DOCK2: variants seen among roughly 807,000 people sequenced by gnomAD.
DOCK2 encodes the protein dedicator of cytokinesis 2, also known as dedicator of cytokinesis protein 2.
Under a neutral mutation model 248.9 loss-of-function variants are expected in DOCK2, and 87 were observed. The ratio of observed to expected loss-of-function variants is 0.35; its 90% CI spans 0.29 to 0.42. DOCK2 has a LOEUF of 0.42. Among genes scored for constraint, DOCK2 ranks in the 10% least tolerant of loss-of-function variants. DOCK2 has a pLI of 1.00. For missense variants in DOCK2, 1,747 were observed against 2,300.2 expected (o/e 0.76, Z 4.92); for synonymous variants, 805 against 821.6 (o/e 0.98, Z 0.35).
At chr5:169,739,595 A>C (rs1229137030) in intron 22 of DOCK2, among the ~76,000 whole-genome samples, 1 of 152,244 alleles carries the variant, frequency 6.6e-6, no homozygotes, top group Non-Finnish European at 1.5e-5. Flanking sequence ...TTATCAATTT[A>C]ATGTACAGAT....
chr5:169,750,221 A>G (rs1005316692), intron 23 of DOCK2, among the ~76,000 whole-genome samples: 10 of 152,240 alleles, frequency 6.6e-5, no homozygotes, highest in Non-Finnish European at 2.9e-5. Context: ...TACTCTTTCT[A>G]ATTTCAGCAC....
At chr5:170,020,525 T>G (rs1361056891) in intron 33 of DOCK2, among the ~76,000 whole-genome samples, 1 of 151,900 alleles carries the variant, frequency 6.6e-6, no homozygotes, top group African/African-American at 2.4e-5. Flanking sequence ...CTATTTTCTA[T>G]GTATTAGTTC....
intron 30 of DOCK2, among the ~76,000 whole-genome samples, chr5:170,005,751 A>T (rs1755011701): frequency 6.6e-6 from 1 of 152,082 alleles, no homozygotes; most frequent in African/African-American, 2.4e-5. Flanking sequence ...TTTTTTTTTA[A>T]AAAAAAGAAA....
In DOCK2 at chr5:169,889,378, T is replaced by C. The variant is rs370319632; in HGVS notation, c.2799+48526T>C. Among the ~76,000 whole-genome samples, 224 of 152,338 alleles carry C rather than the reference T, an allele frequency of 1.5e-3. 1 individual carries two copies. Among genetic ancestry groups the C allele is most frequent in the African/African-American group, 4.7e-3 (196 of 41,580 alleles). On this transcript the variant is annotated intron_variant, in intron 27 of 51. Coordinates refer to ENST00000520908, the MANE Select transcript of DOCK2 (RefSeq NM_004946.3). ...TTAGATTCTGTTGTGAGGTGGGCAC[T>C]GTAATAAATACTGTGGAGATTCCAA...
At chr5:170,002,169 T>C (rs2113803707) in intron 30 of DOCK2, among the ~76,000 whole-genome samples, 1 of 151,760 alleles carries the variant, frequency 6.6e-6, no homozygotes, top group East Asian at 1.9e-4. Flanking sequence ...GAATGTATAC[T>C]ACAAATGTAG....
At chr5:169,859,226 G>T (rs748994531) in intron 27 of DOCK2, among the ~76,000 whole-genome samples, 1 of 152,126 alleles carries the variant, frequency 6.6e-6, no homozygotes, top group African/African-American at 2.4e-5. Context: ...CTCTTTATGG[G>T]CTGAGAGTTC....
intron 5 of DOCK2, among the ~76,000 whole-genome samples, chr5:169,672,824 A>G (rs540164824): frequency 6.6e-6 from 1 of 152,328 alleles, no homozygotes; most frequent in South Asian, 2.1e-4. Context: ...AATTTGTTAG[A>G]ACAACTCAGA....
At chr5:169,872,890 G>A (rs992417757) in intron 27 of DOCK2, among the ~76,000 whole-genome samples, 2 of 152,206 alleles carry the variant, frequency 1.3e-5, no homozygotes, top group African/African-American at 4.8e-5. Context: ...CCACATTTTA[G>A]GATGGTTAGG....
chr5:169,908,429 C>T (rs1774409265), intron 27 of DOCK2, among the ~76,000 whole-genome samples: 1 of 152,114 alleles, frequency 6.6e-6, no homozygotes, highest in African/African-American at 2.4e-5. Flanking sequence ...TAAAACTAAT[C>T]CCCAAATCAT....
chr5:170,081,133 C>G (rs1276065869), intron 50 of DOCK2: 1 of 152,552 alleles, frequency 6.6e-6, no homozygotes, highest in Non-Finnish European at 1.5e-5. Context: ...GAGAACATCA[C>G]TCTCTTGCCT....
Position 169,937,045 on chromosome 5 carries a change from G to A in DOCK2, c.2800-46023G>A, listed in dbSNP as rs946479552. The stretch of plus-strand genomic sequence containing the variant: ...GGCTGGGTATTTGGTGAGGAGGGAG[G>A]GGCTGACCAGTTTCTGGGCAGAGTA... On this transcript the variant is annotated intron_variant, in intron 27 of 51. Transcript: ENST00000520908. Among the ~76,000 whole-genome samples, 21 of 152,136 alleles carry A rather than the reference G, an allele frequency of 1.4e-4. 1 individual carries two copies. The highest frequency in any genetic ancestry group is 4.1e-4 in the African/African-American group (17 of 41,412).
intron 27 of DOCK2, among the ~76,000 whole-genome samples, chr5:169,935,104 G>A (rs1026770813): frequency 3.3e-5 from 5 of 152,180 alleles, no homozygotes; most frequent in Non-Finnish European, 5.9e-5. Flanking sequence ...TGAAGACAGC[G>A]TGGCAAGATT....
intron 25 of DOCK2, among the ~76,000 whole-genome samples, chr5:169,778,403 C>T (rs1285456898): frequency 6.6e-6 from 1 of 152,116 alleles, no homozygotes; most frequent in African/African-American, 2.4e-5. Flanking sequence ...GGGCTGCACT[C>T]GAGGATTTGG....
chr5:170,026,519 G>T (rs6876810), intron 33 of DOCK2, among the ~76,000 whole-genome samples: 1 of 151,986 alleles, frequency 6.6e-6, no homozygotes, highest in African/African-American at 2.4e-5. Flanking sequence ...TGACCTTTGC[G>T]AAGCTCCCCT....
At chr5:169,976,996 G>A (rs1455809957) in intron 27 of DOCK2, among the ~76,000 whole-genome samples, 5 of 152,352 alleles carry the variant, frequency 3.3e-5, no homozygotes, top group Middle Eastern at 3.4e-3. Flanking sequence ...CTATTGCACA[G>A]CAGGATGTCC....
intron 30 of DOCK2, among the ~76,000 whole-genome samples, chr5:170,005,965 TA>T (rs1755020335): frequency 6.6e-6 from 1 of 152,228 alleles, no homozygotes; most frequent in Admixed American, 6.5e-5. Flanking sequence ...TGCTATCCCC[TA>T]AAATCAGAGA....
chr5:169,716,354 T>C (rs1435298540), intron 20 of DOCK2, 52 bp downstream of exon 20: 2 of 1,576,020 alleles, frequency 1.3e-6, no homozygotes, highest in South Asian at 2.2e-5. Context: ...ATGTATGTCT[T>C]ACTGTGAAAA....
At chr5:169,997,182 G>C (rs936933694) in intron 30 of DOCK2, among the ~76,000 whole-genome samples, 2 of 146,742 alleles carry the variant, frequency 1.4e-5, no homozygotes, top group Non-Finnish European at 3.0e-5. Flanking sequence ...TAAGTGCTGT[G>C]CTTTTAGATA....
intron 33 of DOCK2, among the ~76,000 whole-genome samples, chr5:170,022,883 C>T (rs1392697924): frequency 6.6e-6 from 1 of 152,112 alleles, no homozygotes; most frequent in Non-Finnish European, 1.5e-5. Flanking sequence ...GCATTTAGAC[C>T]CCCATCCCAT....
Sources: gnomAD v4.1 joint callset for allele counts (sites outside exome capture counted in the v4.1 genomes callset) on GRCh38, gnomAD v4.1.1 for gene constraint, MANE v1.5 for transcripts, NCBI Gene and HGNC (gene_info 2026-07-23, HGNC 2026-07-21) for gene names.